B4GALT6: variants seen among roughly 807,000 people sequenced by gnomAD.
The protein encoded by B4GALT6 is UDP-Gal:beta-GlcNAc beta-1,4-galactosyltransferase 6.
Under a neutral mutation model 46.3 loss-of-function variants are expected in B4GALT6, and 14 were observed. The ratio of observed to expected loss-of-function variants is 0.30; its 90% CI spans 0.20 to 0.47. The LOEUF is 0.47. Among genes scored for constraint, B4GALT6 ranks in the 20% least tolerant of loss-of-function variants. The pLI is 0.99. For synonymous variants in B4GALT6, 168 were observed against 162.0 expected, an observed-to-expected ratio of 1.04 and a Z score of -0.28; for missense variants, 386 against 480.1, an observed-to-expected ratio of 0.80 and a Z score of 1.83.
At position 31,684,434 on chromosome 18, in the gene B4GALT6, T is replaced by G; in HGVS notation, c.-8A>C. 1 of 1,612,578 alleles carries G rather than the reference T, an allele frequency of 6.2e-7. No homozygotes were observed. Among genetic ancestry groups the G allele is most frequent in the Non-Finnish European group, 8.5e-7 (1 of 1,179,224 alleles). On this transcript the variant is annotated 5_prime_UTR_variant, in exon 1 of 9. Coordinates refer to ENST00000306851, the MANE Select transcript of B4GALT6 (RefSeq NM_004775.5). ...CCGCCTGAGCACAGACATCTTCCTC[T>G]TCCCTGCCAGCAGCCCAGGCTGCGC... is the stretch of plus-strand genomic sequence containing the variant.
chr18:31,703,475 A>C, the B4GALT6 span, among the ~76,000 whole-genome samples: 1 of 152,064 alleles, frequency 6.6e-6, no homozygotes, highest in African/African-American at 2.4e-5. Flanking sequence ...AGGAATAGGG[A>C]CTCTGCTTCC....
At chr18:31,653,414 G>A (rs1436223613) in intron 3 of B4GALT6, among the ~76,000 whole-genome samples, 3 of 133,262 alleles carry the variant, frequency 2.3e-5, no homozygotes, top group Admixed American at 7.5e-5. Flanking sequence ...TCTCCCTTTT[G>A]TCACATTCAT....
intron 4 of B4GALT6, among the ~76,000 whole-genome samples, chr18:31,640,647 C>T (rs2073918560): frequency 6.6e-6 from 1 of 152,198 alleles, no homozygotes; most frequent in Non-Finnish European, 1.5e-5. Flanking sequence ...GGGTCCCATT[C>T]CTTTTTGGTT....
intron 3 of B4GALT6, among the ~76,000 whole-genome samples, chr18:31,648,547 C>G (rs1259894066): frequency 2.6e-5 from 4 of 152,082 alleles, no homozygotes; most frequent in African/African-American, 9.7e-5. Flanking sequence ...GTGAGGGTAA[C>G]TTAGTTGCAC....
At chr18:31,723,544 T>G in the B4GALT6 span, among the ~76,000 whole-genome samples, 1 of 151,476 alleles carries the variant, frequency 6.6e-6, no homozygotes, top group Non-Finnish European at 1.5e-5. Flanking sequence ...CCCAGGCTAG[T>G]GCAAAGAGCT....
intron 1 of B4GALT6, among the ~76,000 whole-genome samples, chr18:31,676,839 G>C (rs981794552): frequency 1.3e-5 from 2 of 152,128 alleles, no homozygotes; most frequent in African/African-American, 4.8e-5. Context: ...TCTCCCATAA[G>C]ACCTGGGAAA....
Position 31,622,718 on chromosome 18 carries a change from A to G in B4GALT6, c.*2896T>C, listed in dbSNP as rs1334284069. 6.6e-6 allele frequency: 1 copy of G among 151,854 alleles called. No individual in the cohort carries two copies. Among genetic ancestry groups the G allele is most frequent in the South Asian group, 2.1e-4 (1 of 4,834 alleles). 9.4% of individuals were successfully genotyped at this position (151,854 alleles called of 1,614,324 possible). A position where few individuals can be genotyped will look rare whatever the true frequency, so the allele number is the denominator to read the frequency against. On this transcript the variant is annotated 3_prime_UTR_variant, in exon 9 of 9. Coordinates refer to ENST00000306851, the MANE Select transcript of B4GALT6 (RefSeq NM_004775.5). ...TAATATTATAAAGTTTTCTTACTGA[A>G]TAACTTTTCACAAAAACAAAAACTT... is the stretch of plus-strand genomic sequence containing the variant.
At chr18:31,636,972 C>T (rs1365403238) in intron 5 of B4GALT6, among the ~76,000 whole-genome samples, 1 of 152,196 alleles carries the variant, frequency 6.6e-6, no homozygotes, top group Non-Finnish European at 1.5e-5. Flanking sequence ...AGGTGCCTGC[C>T]ACCATGCCCG....
rs773489119 is a variant in B4GALT6, at chr18:31,626,392, G to A, written c.900-8C>T. 2.2e-6 allele frequency: 3 copies of A among 1,393,846 alleles called. No homozygotes were observed. The Admixed American group carries it at 5.9e-5, about 27-fold the overall frequency. The allele number at this position is 1,393,846 out of a possible 1,614,324, so 86.3% of individuals were successfully genotyped here. A position where few individuals can be genotyped will look rare whatever the true frequency, so the allele number is the denominator to read the frequency against. ...TATCCAGCATAGTGAACTCTACAATGCCATATATGGAAATGAAAATATAGA... is the reference window on the plus strand; with the variant it reads ...TATCCAGCATAGTGAACTCTACAATACCATATATGGAAATGAAAATATAGA... On this transcript the variant is annotated splice_region_variant and splice_polypyrimidine_tract_variant and intron_variant, in intron 7 of 8. Transcript: ENST00000306851.
At chr18:31,633,262 G>C (rs2073813643) in intron 5 of B4GALT6, among the ~76,000 whole-genome samples, 1 of 152,018 alleles carries the variant, frequency 6.6e-6, no homozygotes, top group Non-Finnish European at 1.5e-5. Context: ...GGCAGGAAGA[G>C]ACACAAGCAG....
intron 3 of B4GALT6, among the ~76,000 whole-genome samples, chr18:31,655,115 G>C (rs975134701): frequency 6.6e-6 from 1 of 152,194 alleles, no homozygotes; most frequent in Non-Finnish European, 1.5e-5. Flanking sequence ...AGGTTTTACA[G>C]GTAGGTAAAC....
At chr18:31,645,329 T>C (rs2073978655) in intron 4 of B4GALT6, 26 bp downstream of exon 4, 2 of 1,612,240 alleles carry the variant, frequency 1.2e-6, no homozygotes, top group Non-Finnish European at 1.7e-6. Context: ...AACAATCAAA[T>C]TGCTTATGAA....
rs150412311 is a variant in B4GALT6, at chr18:31,658,032, G to C, written c.290C>G (p.Pro97Arg). 6.2e-7 allele frequency: 1 copy of C among 1,613,574 alleles called. No individual in the cohort carries two copies. Among genetic ancestry groups the C allele is most frequent in the Non-Finnish European group, 8.5e-7 (1 of 1,179,842 alleles). Residue 97 changes from proline to arginine, a missense_variant, in exon 3 of 9, where the codon CCG (proline) becomes CGG (arginine). Physicochemically the swap from Pro to Arg is moderately radical, Grantham distance 103. Coordinates refer to ENST00000306851, the MANE Select transcript of B4GALT6 (RefSeq NM_004775.5). Reference protein sequence around the residue: ...DYLVQTTTYLPENFTYSPYLP... With the variant: ...DYLVQTTTYLRENFTYSPYLP... Reference sequence around the variant, plus strand: ...GTATGGTGAGTATGTGAAGTTTTCCGGGAGATACGTTGTTGTTTGAACAAG... The same window carrying C: ...GTATGGTGAGTATGTGAAGTTTTCCCGGAGATACGTTGTTGTTTGAACAAG...
the B4GALT6 span, among the ~76,000 whole-genome samples, chr18:31,695,293 A>T: frequency 7.0e-6 from 1 of 142,328 alleles, no homozygotes; most frequent in Non-Finnish European, 1.5e-5. Flanking sequence ...CCTGAAATTA[A>T]AAAAAAAAAA....
intron 5 of B4GALT6, among the ~76,000 whole-genome samples, chr18:31,637,009 C>A (rs868533244): frequency 6.6e-6 from 1 of 151,890 alleles, no homozygotes; most frequent in South Asian, 2.1e-4. Context: ...TTAGTAGAGA[C>A]GAGGTTTCAC....
At chr18:31,694,153 A>G in the B4GALT6 span, among the ~76,000 whole-genome samples, 1 of 152,252 alleles carries the variant, frequency 6.6e-6, no homozygotes, top group Non-Finnish European at 1.5e-5. Context: ...TACCCTTACC[A>G]TAACAATATT....
intron 1 of B4GALT6, among the ~76,000 whole-genome samples, chr18:31,667,210 G>C (rs1379387851): frequency 6.6e-6 from 1 of 152,122 alleles, no homozygotes; most frequent in African/African-American, 2.4e-5. Flanking sequence ...ACAGCTCCTT[G>C]GATCTCAGTT....
chr18:31,656,297 A>G (rs1406157678), intron 3 of B4GALT6, among the ~76,000 whole-genome samples: 2 of 152,224 alleles, frequency 1.3e-5, no homozygotes, highest in Non-Finnish European at 2.9e-5. Context: ...AAAATACATC[A>G]GAATATGGAT....
intron 3 of B4GALT6, among the ~76,000 whole-genome samples, chr18:31,650,130 C>G (rs2074046378): frequency 6.6e-6 from 1 of 152,190 alleles, no homozygotes; most frequent in East Asian, 1.9e-4. Flanking sequence ...CCATGAAGTC[C>G]CTCTTCAATT....
Sources: gnomAD v4.1 joint callset for allele counts (sites outside exome capture counted in the v4.1 genomes callset) on GRCh38, gnomAD v4.1.1 for gene constraint, MANE v1.5 for transcripts, NCBI Gene and HGNC (gene_info 2026-07-23, HGNC 2026-07-21) for gene names.